The following TMTC2 variants were observed in gnomAD, a reference collection of about 807,000 sequenced individuals.
TMTC2 encodes protein O-mannosyl-transferase TMTC2.
TMTC2 carries 43 observed loss-of-function variants against 82.4 expected under a neutral mutation model. That is an observed-to-expected ratio of 0.52 (90% CI 0.41 to 0.67). The LOEUF is 0.67. Ranked by LOEUF, TMTC2 falls within the 30% of genes least tolerant of loss-of-function variation. TMTC2 has a pLI of 0.00. For synonymous variants in TMTC2, 408 were observed against 381.9 expected (o/e 1.07, Z -0.80); for missense variants, 919 against 1,012.4 (o/e 0.91, Z 1.25).
At chr12:82,859,626 T>G (rs1303153127) in intron 2 of TMTC2, among the ~76,000 whole-genome samples, 1 of 152,200 alleles carries the variant, frequency 6.6e-6, no homozygotes, top group East Asian at 1.9e-4. Flanking sequence ...CATCCTGTAT[T>G]TTATTTGTCA....
At chr12:83,040,809 T>G (rs1592711518) in intron 9 of TMTC2, among the ~76,000 whole-genome samples, 1 of 150,654 alleles carries the variant, frequency 6.6e-6, no homozygotes, top group African/African-American at 2.4e-5. Context: ...CTCAGTCTCC[T>G]GAGTAGCTGG....
At chr12:83,063,473 A>G (rs1323536244) in intron 11 of TMTC2, among the ~76,000 whole-genome samples, 2 of 151,900 alleles carry the variant, frequency 1.3e-5, no homozygotes, top group East Asian at 3.9e-4. Context: ...TTTATTGAGC[A>G]CTTATTATTA....
At chr12:83,064,419 T>C (rs568841464) in intron 11 of TMTC2, among the ~76,000 whole-genome samples, 2 of 152,000 alleles carry the variant, frequency 1.3e-5, no homozygotes, top group Non-Finnish European at 1.5e-5. Flanking sequence ...CAAATGATAC[T>C]TTCCTTATCT....
intron 1 of TMTC2, among the ~76,000 whole-genome samples, chr12:82,793,368 C>CT (rs5799596): frequency 0.23 from 31,382 of 137,196 alleles, 3,536 homozygotes; most frequent in Middle Eastern, 0.38. Flanking sequence ...AGTCTTTTTT[C>CT]TTTTTTTTTT....
At chr12:82,762,260 C>T (rs577294285) in intron 1 of TMTC2, among the ~76,000 whole-genome samples, 10 of 152,286 alleles carry the variant, frequency 6.6e-5, no homozygotes, top group Admixed American at 2.0e-4. Context: ...AGCCACCACG[C>T]GTGGCCGACT....
chr12:82,919,101 A>C (rs1875219065), intron 3 of TMTC2, among the ~76,000 whole-genome samples: 1 of 152,218 alleles, frequency 6.6e-6, no homozygotes, highest in African/African-American at 2.4e-5. Context: ...TATTTGGCTC[A>C]CAGTTTTAGA....
Position 82,977,580 on chromosome 12 carries a change from A to G in TMTC2, c.1949-8345A>G, listed in dbSNP as rs371379685. 1.3e-4 allele frequency among the ~76,000 whole-genome samples: 19 copies of G among 151,982 alleles called. No homozygotes were observed. In the East Asian group the frequency reaches 1.3e-3, roughly 11 times the overall value. On this transcript the variant is annotated intron_variant, in intron 7 of 11. Transcript: ENST00000321196. Reference sequence around the variant, plus strand: ...GATACTTGTCTCATACCACATAGCAAAGTATATTTCATGTGGAATACATAG... The same window carrying G: ...GATACTTGTCTCATACCACATAGCAGAGTATATTTCATGTGGAATACATAG...
At chr12:83,096,313 A>G (rs549611896) in intron 11 of TMTC2, among the ~76,000 whole-genome samples, 9 of 152,356 alleles carry the variant, frequency 5.9e-5, no homozygotes, top group African/African-American at 1.7e-4. Context: ...TAGGCCCTGC[A>G]TGATCTGGTC....
intron 1 of TMTC2, among the ~76,000 whole-genome samples, chr12:82,824,058 T>G (rs1869268441): frequency 6.6e-6 from 1 of 152,108 alleles, no homozygotes; most frequent in South Asian, 2.1e-4. Context: ...CAGGCCCAGC[T>G]AATTTTTGTA....
chr12:82,869,014 T>C (rs115687367), intron 2 of TMTC2, among the ~76,000 whole-genome samples: 2,322 of 152,288 alleles, frequency 0.015, 68 homozygotes, highest in African/African-American at 0.053. Flanking sequence ...CAGAATCCTA[T>C]ATCTTGGTAA....
intron 1 of TMTC2, among the ~76,000 whole-genome samples, chr12:82,719,660 T>A (rs1216448883): frequency 7.7e-6 from 1 of 129,530 alleles, no homozygotes; most frequent in East Asian, 2.4e-4. Flanking sequence ...CATGATTCTA[T>A]GTCTCTCTGT....
rs7974416 is a variant in TMTC2 at position 82,721,863 on chromosome 12, T to G, written c.83+34194T>G. ...TGTTTGCCTCTTCATGAGTACTATG[T>G]GATATAAATAGGGCAAGCAATATTA... On this transcript the variant is annotated intron_variant, in intron 1 of 11. Coordinates refer to ENST00000321196, the MANE Select transcript of TMTC2 (RefSeq NM_152588.3). Among the ~76,000 whole-genome samples, 632 of 152,316 alleles carry G rather than the reference T, an allele frequency of 4.1e-3. 1 individual carries two copies. Among genetic ancestry groups the G allele is most frequent in the African/African-American group, 0.015 (610 of 41,576 alleles).
At chr12:82,905,715 C>T (rs566411319) in intron 3 of TMTC2, among the ~76,000 whole-genome samples, 15 of 152,172 alleles carry the variant, frequency 9.9e-5, no homozygotes, top group Admixed American at 4.6e-4. Context: ...GAGGCCGAGG[C>T]GGGCGGATCA....
chr12:82,855,367 G>A (rs1871210580), intron 1 of TMTC2, among the ~76,000 whole-genome samples: 1 of 152,156 alleles, frequency 6.6e-6, no homozygotes, highest in African/African-American at 2.4e-5. Context: ...CTGCTTTTCG[G>A]TAATACTCAT....
At chr12:82,744,056 C>T (rs949592775) in intron 1 of TMTC2, among the ~76,000 whole-genome samples, 7 of 151,886 alleles carry the variant, frequency 4.6e-5, no homozygotes, top group East Asian at 1.9e-4. Flanking sequence ...GAGGATCGCT[C>T]GAAGCCAGGA....
chr12:82,909,530 TG>T (rs888616463), intron 3 of TMTC2, among the ~76,000 whole-genome samples: 6 of 151,974 alleles, frequency 3.9e-5, no homozygotes, highest in Non-Finnish European at 7.4e-5. Context: ...TTAGTAGAGA[TG>T]GGGTTTCACC....
intron 3 of TMTC2, among the ~76,000 whole-genome samples, chr12:82,910,062 G>A (rs151082862): frequency 3.3e-5 from 5 of 152,106 alleles, no homozygotes; most frequent in African/African-American, 1.2e-4. Context: ...GCAGATTTTC[G>A]AGAGGACAAA....
intron 2 of TMTC2, among the ~76,000 whole-genome samples, chr12:82,869,616 G>A (rs1872060964): frequency 6.6e-6 from 1 of 152,142 alleles, no homozygotes; most frequent in Non-Finnish European, 1.5e-5. Flanking sequence ...GAGGTGGGTG[G>A]ATCGTGTGAG....
chr12:83,005,350 G>T (rs1484993), intron 8 of TMTC2, among the ~76,000 whole-genome samples: 114,595 of 144,604 alleles, frequency 0.79, 45,972 homozygotes, highest in South Asian at 0.93. Context: ...AAAAAAAAAA[G>T]AGTAATGGCT....
Sources: gnomAD v4.1 joint callset for allele counts (sites outside exome capture counted in the v4.1 genomes callset) on GRCh38, gnomAD v4.1.1 for gene constraint, MANE v1.5 for transcripts, NCBI Gene and HGNC (gene_info 2026-07-23, HGNC 2026-07-21) for gene names.